The following DCC variants were observed in gnomAD, a reference collection of about 807,000 sequenced individuals.
DCC encodes the protein DCC netrin 1 receptor.
In DCC, 58 loss-of-function variants were observed where a neutral mutation model predicts 172.5. That is an observed-to-expected ratio of 0.34 (90% CI 0.27 to 0.42). DCC has a LOEUF of 0.42. Among genes scored for constraint, DCC ranks in the 10% least tolerant of loss-of-function variants. DCC has a pLI of 1.00. For synonymous variants in DCC, 709 were observed against 644.5 expected (o/e 1.10, Z -1.52); for missense variants, 1,740 against 1,791.0 (o/e 0.97, Z 0.51).
chr18:52,360,241 T>G (rs912324500), intron 1 of DCC, among the ~76,000 whole-genome samples: 2 of 152,212 alleles, frequency 1.3e-5, no homozygotes, highest in Non-Finnish European at 2.9e-5. Context: ...TGTTAATCAT[T>G]TTCAAATGTC....
Position 52,593,682 on chromosome 18 carries a change from T to C in DCC, c.92-158372T>C, listed in dbSNP as rs755346694. The stretch of plus-strand genomic sequence containing the variant: ...CCTCACGACAATCGATATTTGGTGC[T>C]GGACAATGCTCTGTCATGTGTGGGA... On this transcript the variant is annotated intron_variant, in intron 1 of 28. Transcript: ENST00000442544. Among the ~76,000 whole-genome samples the C allele has an allele frequency of 5.9e-5, 9 of 152,358 alleles. No homozygotes were observed. The South Asian group carries it at 1.9e-3, about 32-fold the overall frequency.
chr18:52,749,797 G>A (rs753257168), intron 1 of DCC, among the ~76,000 whole-genome samples: 1 of 152,200 alleles, frequency 6.6e-6, no homozygotes, highest in Non-Finnish European at 1.5e-5. Flanking sequence ...TGCTTAACAT[G>A]AGGTTGTGTT....
At chr18:53,094,136 T>C (rs2043051222) in intron 7 of DCC, among the ~76,000 whole-genome samples, 2 of 152,334 alleles carry the variant, frequency 1.3e-5, no homozygotes, top group African/African-American at 2.4e-5. Flanking sequence ...TACAGACTTT[T>C]CCCAAGGTAT....
chr18:53,093,098 A>G (rs1051113476), intron 7 of DCC, among the ~76,000 whole-genome samples: 2 of 152,120 alleles, frequency 1.3e-5, no homozygotes, highest in Non-Finnish European at 2.9e-5. Context: ...CCTGGCCAAC[A>G]TGGTGAAACC....
At chr18:52,677,238 A>G (rs2035660935) in intron 1 of DCC, among the ~76,000 whole-genome samples, 1 of 152,180 alleles carries the variant, frequency 6.6e-6, no homozygotes, top group African/African-American at 2.4e-5. Context: ...AGGTGGTATC[A>G]TCAGAGCTAA....
chr18:52,989,657 A>G (rs2041351650), intron 5 of DCC, among the ~76,000 whole-genome samples: 1 of 152,212 alleles, frequency 6.6e-6, no homozygotes, highest in South Asian at 2.1e-4. Context: ...TCTAGAGAAC[A>G]CACACATGTA....
intron 27 of DCC, among the ~76,000 whole-genome samples, chr18:53,512,484 A>G (rs1217261242): frequency 1.3e-5 from 2 of 150,008 alleles, no homozygotes; most frequent in African/African-American, 4.9e-5. Flanking sequence ...GAGCTGAGAG[A>G]AGAAGGCTTC....
At chr18:52,341,663 G>A (rs1174549113) in intron 1 of DCC, among the ~76,000 whole-genome samples, 2 of 152,238 alleles carry the variant, frequency 1.3e-5, no homozygotes, top group Non-Finnish European at 2.9e-5. Context: ...GATCTGGCTA[G>A]TGCAGGAGAA....
rs147298105 is a variant in DCC at position 53,051,859 on chromosome 18, C to G, written c.986-11446C>G. On this transcript the variant is annotated intron_variant, in intron 5 of 28. Transcript: ENST00000442544. ...TTATGTACTCAGTTTCCCGGAAACA[C>G]AGTCTTTCAATCTGAAAATTTATTT... Among the ~76,000 whole-genome samples, 109 of 152,140 alleles carry G rather than the reference C, an allele frequency of 7.2e-4. 1 individual carries two copies. Among genetic ancestry groups the G allele is most frequent in the African/African-American group, 2.4e-3 (101 of 41,532 alleles).
intron 1 of DCC, among the ~76,000 whole-genome samples, chr18:52,668,084 G>C (rs892357303): frequency 1.3e-5 from 2 of 151,660 alleles, no homozygotes; most frequent in African/African-American, 4.8e-5. Flanking sequence ...GTCTGTCAAA[G>C]CAGGAGGGAA....
intron 2 of DCC, among the ~76,000 whole-genome samples, chr18:52,846,647 A>ACACACACT (rs745471962): frequency 9.0e-5 from 13 of 144,178 alleles, no homozygotes; most frequent in African/African-American, 2.8e-4. Flanking sequence ...ACACACACAC[A>ACACACACT]CACACTTGGG....
intron 8 of DCC, among the ~76,000 whole-genome samples, chr18:53,175,966 G>C (rs1451148936): frequency 1.3e-5 from 2 of 151,910 alleles, no homozygotes; most frequent in Non-Finnish European, 2.9e-5. Context: ...CATGGTACTG[G>C]TACCAAAACA....
At chr18:53,395,819 T>C (rs1489846468) in intron 17 of DCC, among the ~76,000 whole-genome samples, 1 of 152,132 alleles carries the variant, frequency 6.6e-6, no homozygotes, top group African/African-American at 2.4e-5. Flanking sequence ...ATTTTTGTAT[T>C]TTTAATAGAG....
chr18:53,454,268 C>A (rs561063979), intron 23 of DCC, among the ~76,000 whole-genome samples: 1 of 152,256 alleles, frequency 6.6e-6, no homozygotes, highest in East Asian at 1.9e-4. Flanking sequence ...TCACTTAAGC[C>A]TGGGATGTGG....
chr18:52,514,646 A>T (rs1402710174), intron 1 of DCC, among the ~76,000 whole-genome samples: 1 of 152,232 alleles, frequency 6.6e-6, no homozygotes, highest in Non-Finnish European at 1.5e-5. Context: ...GCTGCTTATT[A>T]TCAAATGGGT....
intron 1 of DCC, chr18:52,409,255 G>A (rs981697485): frequency 6.6e-6 from 1 of 152,114 alleles, no homozygotes; most frequent in Non-Finnish European, 1.5e-5. Flanking sequence ...TATGGTGTAT[G>A]TGGTTGTAGG....
rs1156322585 is a variant in DCC at position 53,535,143 on chromosome 18, T to C, written c.*4490T>C. 1.3e-5 allele frequency: 2 copies of C among 150,772 alleles called. No individual in the cohort carries two copies. Among genetic ancestry groups the C allele is most frequent in the Non-Finnish European group, 3.0e-5 (2 of 67,754 alleles). 9.3% of individuals were successfully genotyped at this position (150,772 alleles called of 1,614,324 possible). On this transcript the variant is annotated 3_prime_UTR_variant, in exon 29 of 29. Coordinates refer to ENST00000442544, the MANE Select transcript of DCC (RefSeq NM_005215.4). ...ATTCTGAACTTTGTGAATTGTCAGCTTGTTTGGGGGAAGGGTGGGCGGGTA... is the reference window on the plus strand; with the variant it reads ...ATTCTGAACTTTGTGAATTGTCAGCCTGTTTGGGGGAAGGGTGGGCGGGTA...
chr18:53,437,351 C>T (rs913608936), intron 22 of DCC, among the ~76,000 whole-genome samples: 4 of 151,914 alleles, frequency 2.6e-5, no homozygotes, highest in African/African-American at 7.3e-5. Context: ...GAGGCCGAGG[C>T]GGGCAGATCA....
chr18:53,474,026 TATTTTTGTA>T (rs138659817), intron 25 of DCC, among the ~76,000 whole-genome samples: 35,056 of 151,898 alleles, frequency 0.23, 4,514 homozygotes, highest in East Asian at 0.4. Flanking sequence ...TAATTTTTGT[TATTTTTGTA>T]ATTATCAGAT....
Sources: gnomAD v4.1 joint callset for allele counts (sites outside exome capture counted in the v4.1 genomes callset) on GRCh38, gnomAD v4.1.1 for gene constraint, MANE v1.5 for transcripts, NCBI Gene and HGNC (gene_info 2026-07-23, HGNC 2026-07-21) for gene names.